The following SLC10A7 variants were observed in gnomAD, a reference collection of about 807,000 sequenced individuals.
SLC10A7 encodes the protein sodium/bile acid cotransporter 7.
SLC10A7 carries 29 observed loss-of-function variants against 43.2 expected under a neutral mutation model. The ratio of observed to expected loss-of-function variants is 0.67; its 90% confidence interval spans 0.50 to 0.92. The LOEUF is 0.92. Ranked by LOEUF, SLC10A7 falls within the 40% of genes least tolerant of loss-of-function variation. The pLI, the probability that SLC10A7 is intolerant of heterozygous loss-of-function variation, is 0.00. For missense variants in SLC10A7, 295 were observed against 403.2 expected, an observed-to-expected ratio of 0.73 and a Z score of 2.30; for synonymous variants, 152 against 144.8, an observed-to-expected ratio of 1.05 and a Z score of -0.35.
chr4:146,384,851 A>AT (rs920592735), intron 5 of SLC10A7, among the ~76,000 whole-genome samples: 9 of 151,800 alleles, frequency 5.9e-5, no homozygotes, highest in African/African-American at 7.3e-5. Flanking sequence ...GGATACTTGC[A>AT]TTTTTTTTAC....
At chr4:146,473,595 T>A (rs1733776525) in intron 4 of SLC10A7, among the ~76,000 whole-genome samples, 1 of 152,158 alleles carries the variant, frequency 6.6e-6, no homozygotes, top group Non-Finnish European at 1.5e-5. Context: ...AGAAGGGGTA[T>A]AATTTGACAT....
intron 5 of SLC10A7, among the ~76,000 whole-genome samples, chr4:146,338,275 C>T (rs569299075): frequency 8.6e-5 from 13 of 152,020 alleles, no homozygotes; most frequent in African/African-American, 2.7e-4. Context: ...TATTGAATGC[C>T]TACTGTGTAT....
In SLC10A7 at chr4:146,412,993, A is replaced by G. The variant is rs1579121930; in HGVS notation, c.435+29790T>C. On this transcript the variant is annotated intron_variant, in intron 5 of 11. Coordinates refer to ENST00000335472, the MANE Select transcript of SLC10A7 (RefSeq NM_001029998.6). ...TAAATACTCAATAAGTATTTCTTAT[A>G]CAAACAAATTTTTTAAAATTTCAAC... Among the ~76,000 whole-genome samples, 3 of 152,276 alleles carry G rather than the reference A, an allele frequency of 2.0e-5. No individual in the cohort carries two copies. The Middle Eastern group carries it at 0.01, about 518-fold the overall frequency.
intron 9 of SLC10A7, among the ~76,000 whole-genome samples, chr4:146,285,165 A>C (rs1480916271): frequency 6.6e-6 from 1 of 152,026 alleles, no homozygotes; most frequent in Non-Finnish European, 1.5e-5. Flanking sequence ...AGGAGTATGG[A>C]GTTGATATGA....
At chr4:146,396,109 G>C (rs1178582248) in intron 5 of SLC10A7, among the ~76,000 whole-genome samples, 3 of 152,070 alleles carry the variant, frequency 2.0e-5, no homozygotes, top group African/African-American at 7.2e-5. Flanking sequence ...GCTTAATCAT[G>C]TCTATCTGAA....
At chr4:146,466,872 T>C (rs1733078496) in intron 4 of SLC10A7, among the ~76,000 whole-genome samples, 1 of 152,190 alleles carries the variant, frequency 6.6e-6, no homozygotes, top group Non-Finnish European at 1.5e-5. Flanking sequence ...GTATCATTTC[T>C]GCAAAGGTGA....
intron 6 of SLC10A7, among the ~76,000 whole-genome samples, chr4:146,307,638 T>C (rs962525714): frequency 1.3e-5 from 2 of 152,086 alleles, no homozygotes; most frequent in South Asian, 4.1e-4. Flanking sequence ...AAATACACTT[T>C]AAAGAACAAA....
chr4:146,448,604 G>A (rs1030019767), intron 4 of SLC10A7, among the ~76,000 whole-genome samples: 2 of 152,154 alleles, frequency 1.3e-5, no homozygotes, highest in Admixed American at 1.3e-4. Flanking sequence ...CATTGAGTAT[G>A]AATAATTTAT....
intron 5 of SLC10A7, among the ~76,000 whole-genome samples, chr4:146,398,117 G>A (rs1003208042): frequency 7.9e-5 from 12 of 152,216 alleles, no homozygotes; most frequent in African/African-American, 2.9e-4. Flanking sequence ...CTGAAAATAT[G>A]TGGATATGCA....
chr4:146,505,081 A>C (rs1316163141), intron 3 of SLC10A7, among the ~76,000 whole-genome samples: 1 of 152,192 alleles, frequency 6.6e-6, no homozygotes, highest in East Asian at 1.9e-4. Flanking sequence ...GACACAGAGT[A>C]TCTGACTTAG....
rs147461877 is a variant in SLC10A7 at position 146,325,990 on chromosome 4, C to T, written c.442G>A (p.Val148Ile). 862 of 1,611,602 alleles carry T rather than the reference C, an allele frequency of 5.3e-4. 6 individuals carry two copies. The highest frequency in any genetic ancestry group is 5.3e-3 in the African/African-American group (400 of 74,922). The change falls in exon 6 of 12, where the codon GTT becomes ATT. Residue 148 changes from valine (V) to isoleucine (I), a missense_variant. By Grantham distance (29) the Val-to-Ile change is conservative (BLOSUM62 3). This residue lies in a region of SLC10A7 where 242 missense variants were observed against 362.5 expected (regional missense o/e 0.67). Coordinates refer to ENST00000335472, the MANE Select transcript of SLC10A7 (RefSeq NM_001029998.6). ...NSAFGSFLGI[V>I]ITPLLLLLFL... is the part of the protein sequence containing the mutation. ...AGCAGCAGGAGCAGGGGTGTTATAA[C>T]GATGCCCTGAAAGAAATAAAAGAGA...
At chr4:146,290,617 T>A (rs1730380199) in intron 9 of SLC10A7, among the ~76,000 whole-genome samples, 1 of 152,146 alleles carries the variant, frequency 6.6e-6, no homozygotes, top group Non-Finnish European at 1.5e-5. Context: ...CCCAGCACTT[T>A]GGGGAGTCAA....
chr4:146,334,436 A>G (rs968827686), intron 5 of SLC10A7, among the ~76,000 whole-genome samples: 1 of 152,144 alleles, frequency 6.6e-6, no homozygotes, highest in Admixed American at 6.5e-5. Context: ...GAGGGAAAAG[A>G]GGCAATTTGG....
chr4:146,308,633 T>C (rs1464139691), intron 6 of SLC10A7, among the ~76,000 whole-genome samples: 1 of 152,124 alleles, frequency 6.6e-6, no homozygotes, highest in Non-Finnish European at 1.5e-5. Context: ...GCAGGTGAAG[T>C]TTCCAGGTTC....
intron 4 of SLC10A7, among the ~76,000 whole-genome samples, chr4:146,454,772 A>G (rs1731910099): frequency 6.6e-6 from 1 of 151,922 alleles, no homozygotes; most frequent in Non-Finnish European, 1.5e-5. Context: ...ACTTAAAAGT[A>G]GTTAAAAGAC....
chr4:146,484,084 G>T (rs1159930280), intron 4 of SLC10A7, among the ~76,000 whole-genome samples: 1 of 152,140 alleles, frequency 6.6e-6, no homozygotes, highest in African/African-American at 2.4e-5. Context: ...AGGTGCAGTG[G>T]CTCACATCTG....
At chr4:146,378,244 C>T (rs910923712) in intron 5 of SLC10A7, among the ~76,000 whole-genome samples, 3 of 152,210 alleles carry the variant, frequency 2.0e-5, no homozygotes, top group African/African-American at 7.2e-5. Flanking sequence ...GAATCTGCTT[C>T]GTTATCAACA....
intron 1 of SLC10A7, among the ~76,000 whole-genome samples, chr4:146,519,235 ATATATAATAATATATTT>A (rs1005096884): frequency 7.1e-6 from 1 of 141,082 alleles, no homozygotes; most frequent in African/African-American, 2.6e-5. Context: ...AATATATATT[ATATATAATAATATATTT>A]TATATAATAT....
intron 5 of SLC10A7, among the ~76,000 whole-genome samples, chr4:146,328,799 T>C (rs1441353287): frequency 7.2e-5 from 11 of 151,912 alleles, no homozygotes; most frequent in South Asian, 2.1e-4. Flanking sequence ...ACCAACACTA[T>C]AGATATATCT....
Sources: allele counts gnomAD v4.1 joint callset (sites outside exome capture counted in the v4.1 genomes callset), GRCh38; gene constraint gnomAD v4.1.1; regional missense constraint gnomAD v4.1.1; transcripts MANE v1.5; gene names NCBI Gene and HGNC (gene_info 2026-07-23, HGNC 2026-07-21).